The following HIPK3 variants were observed in gnomAD, a reference collection of about 807,000 sequenced individuals.
HIPK3 encodes the protein homeodomain-interacting protein kinase 3.
HIPK3 carries 47 observed loss-of-function variants against 124.2 expected under a neutral mutation model. The ratio of observed to expected loss-of-function variants is 0.38; its 90% confidence interval spans 0.30 to 0.48. The LOEUF is 0.48. Among genes scored for constraint, HIPK3 ranks in the 20% least tolerant of loss-of-function variants. The pLI, the probability that HIPK3 is intolerant of heterozygous loss-of-function variation, is 0.98. For missense variants in HIPK3, 1,286 were observed against 1,454.3 expected (o/e 0.88, Z 1.88); for synonymous variants, 482 against 515.2 (o/e 0.94, Z 0.87).
chr11:33,259,607 C>CAT, intron 1 of HIPK3, among the ~76,000 whole-genome samples: 1 of 152,266 alleles, frequency 6.6e-6, no homozygotes, highest in South Asian at 2.1e-4. Context: ...TGGCTGCATT[C>CAT]ATAAAGTGTA....
chr11:33,305,165 C>G (rs1246618590), intron 2 of HIPK3, among the ~76,000 whole-genome samples: 3 of 152,086 alleles, frequency 2.0e-5, no homozygotes, highest in African/African-American at 7.2e-5. Context: ...CATGCCTGAC[C>G]AACTTTTGTA....
Position 33,257,865 on chromosome 11 carries a change from GGAGA to G in HIPK3, c.-23_-20del, listed in dbSNP as rs1850708081. ...GCTCAGGGCTGCGGCCGCCCGAAGA[GGAGA>G]GAGCGCGGGCCTCTAGGAAGGTAAG... On this transcript the variant is annotated 5_prime_UTR_variant, in exon 1 of 17. It removes the in-frame stop codon of an upstream open reading frame in the 5' UTR. Transcript: ENST00000303296. 1.0e-6 allele frequency: 1 copy of G among 985,498 alleles called. No individual in the cohort carries two copies. Among genetic ancestry groups the G allele is most frequent in the African/African-American group, 1.7e-5 (1 of 57,224 alleles). 61.0% of individuals were successfully genotyped at this position (985,498 alleles called of 1,614,324 possible).
At chr11:33,277,440 C>T (rs979144674) in intron 1 of HIPK3, among the ~76,000 whole-genome samples, 1 of 152,136 alleles carries the variant, frequency 6.6e-6, no homozygotes, top group African/African-American at 2.4e-5. Flanking sequence ...AATTGGGATG[C>T]ATCTTAAAAT....
intron 2 of HIPK3, among the ~76,000 whole-genome samples, chr11:33,300,021 CAAAAAAAAAAAA>C (rs58435948): frequency 4.8e-4 from 46 of 95,148 alleles, no homozygotes; most frequent in South Asian, 4.2e-3. Context: ...GACCCTGTCT[CAAAAAAAAAAAA>C]AAAAAAAAAA....
chr11:33,295,590 C>CT (rs1851823071), intron 2 of HIPK3, among the ~76,000 whole-genome samples: 1 of 152,252 alleles, frequency 6.6e-6, no homozygotes, highest in African/African-American at 2.4e-5. Context: ...GGCCCGACAG[C>CT]TGCAGCAGCT....
At position 33,305,645 on chromosome 11, in the gene HIPK3, A is replaced by G. The variant is rs11823703; in HGVS notation, c.1097+18134A>G. ...GATTTGAGCTCAGTTGTGGATCTCT[A>G]TTTCCCACAATCCTTCTCCAAGGAT... On this transcript the variant is annotated intron_variant, in intron 2 of 16. Transcript: ENST00000303296. Among the ~76,000 whole-genome samples, 964 of 152,196 alleles carry G rather than the reference A, an allele frequency of 6.3e-3. 16 individuals are homozygous for G. The highest frequency in any genetic ancestry group is 0.022 in the African/African-American group (928 of 41,514).
intron 14 of HIPK3, 35 bp downstream of exon 14, chr11:33,349,322 G>C: frequency 6.5e-7 from 1 of 1,548,580 alleles, no homozygotes; most frequent in Non-Finnish European, 8.8e-7. Context: ...GTAATAAATA[G>C]TAAGTCTACT....
intron 2 of HIPK3, among the ~76,000 whole-genome samples, chr11:33,321,285 T>A (rs1852655824): frequency 6.6e-6 from 1 of 152,194 alleles, no homozygotes; most frequent in African/African-American, 2.4e-5. Flanking sequence ...AAAGCCTTTT[T>A]GAATGAGTTC....
chr11:33,314,968 A>G (rs1413712170), intron 2 of HIPK3, among the ~76,000 whole-genome samples: 1 of 152,234 alleles, frequency 6.6e-6, no homozygotes, highest in Admixed American at 6.5e-5. Context: ...GTTATGTCAT[A>G]CAATAAGATA....
chr11:33,279,349 G>GAGA (rs370745382), intron 1 of HIPK3, among the ~76,000 whole-genome samples: 2 of 130,112 alleles, frequency 1.5e-5, no homozygotes, highest in Non-Finnish European at 3.3e-5. Context: ...AAAAAAAAAA[G>GAGA]AGAAGAAGAA....
Position 33,353,130 on chromosome 11 carries a change from A to T in HIPK3, c.3210A>T (p.Gly1070=). 6.2e-7 allele frequency: 1 copy of T among 1,613,330 alleles called. No homozygotes were observed. Among genetic ancestry groups the T allele is most frequent in the South Asian group, 1.1e-5 (1 of 91,020 alleles). Residue 1070 remains glycine, a synonymous_variant, in exon 17 of 17, where the codon GGA becomes GGT. Coordinates refer to ENST00000303296, the MANE Select transcript of HIPK3 (RefSeq NM_005734.5). The part of the protein sequence containing the change: ...HFGSGHQEWN[G]NFGHRRQQAY... ...GATCTGGGCATCAAGAGTGGAATGG[A>T]AACTTTGGGCACAGAAGACAGCAAG...
intron 2 of HIPK3, among the ~76,000 whole-genome samples, chr11:33,305,844 A>G (rs1317671343): frequency 6.9e-6 from 1 of 145,772 alleles, no homozygotes; most frequent in Admixed American, 7.0e-5. Flanking sequence ...CTTCCTAAAC[A>G]ATTTTTTTAT....
chr11:33,338,378 C>T (rs1853221649), intron 4 of HIPK3, among the ~76,000 whole-genome samples: 1 of 152,176 alleles, frequency 6.6e-6, no homozygotes, highest in East Asian at 1.9e-4. Flanking sequence ...GGACTACAGG[C>T]ATGCGCCACC....
chr11:33,343,503 C>T (rs925296112), intron 8 of HIPK3, among the ~76,000 whole-genome samples: 5 of 152,088 alleles, frequency 3.3e-5, no homozygotes, highest in African/African-American at 9.7e-5. Flanking sequence ...TGGTCTCGAA[C>T]TCCTGACCTC....
chr11:33,258,886 A>C (rs1850748265), intron 1 of HIPK3, among the ~76,000 whole-genome samples: 1 of 152,104 alleles, frequency 6.6e-6, no homozygotes, highest in Admixed American at 6.5e-5. Flanking sequence ...GGCTGCTTCT[A>C]ATTATAATAA....
intron 2 of HIPK3, among the ~76,000 whole-genome samples, chr11:33,321,538 AAGCATTACACTGAC>A (rs1167235004): frequency 6.6e-6 from 1 of 152,178 alleles, no homozygotes; most frequent in African/African-American, 2.4e-5. Context: ...TCTTAGATAG[AAGCATTACACTGAC>A]AGCTGCAAGT....
At chr11:33,289,931 C>T (rs993057652) in intron 2 of HIPK3, among the ~76,000 whole-genome samples, 4 of 152,136 alleles carry the variant, frequency 2.6e-5, no homozygotes, top group African/African-American at 9.7e-5. Context: ...TCTTTCTGTG[C>T]CTGGCTTATT....
At chr11:33,320,478 A>G (rs889423562) in intron 2 of HIPK3, among the ~76,000 whole-genome samples, 1 of 152,180 alleles carries the variant, frequency 6.6e-6, no homozygotes, top group Non-Finnish European at 1.5e-5. Context: ...TGATTTGTGT[A>G]CTAAATGGAT....
intron 5 of HIPK3, 85 bp from the exon 6 acceptor site, chr11:33,339,265 T>A (rs888402216): frequency 4.0e-6 from 4 of 991,576 alleles, no homozygotes; most frequent in Non-Finnish European, 6.1e-6. Context: ...GTGTTGTGAT[T>A]TTTGTTTTAT....
Sources: allele counts gnomAD v4.1 joint callset (sites outside exome capture counted in the v4.1 genomes callset), GRCh38; gene constraint gnomAD v4.1.1; transcripts MANE v1.5; gene names NCBI Gene and HGNC (gene_info 2026-07-23, HGNC 2026-07-21).